Variants in RERE observed in about 807,000 individuals in gnomAD.
The protein encoded by RERE is arginine-glutamic acid dipeptide repeats.
Under a neutral mutation model 146.1 loss-of-function variants are expected in RERE, and 40 were observed. The observed-to-expected ratio is 0.27, with a 90% CI of 0.21 to 0.36. The LOEUF (loss-of-function observed/expected upper bound fraction) is 0.36, where lower values mean the gene tolerates loss of function less well. RERE is among the 10% of genes least tolerant of loss of function. The probability of loss-of-function intolerance (pLI) is 1.00; values close to 1 mark genes in which losing one functional copy is unlikely to be tolerated. For synonymous variants in RERE, 1,003 were observed against 866.0 expected (o/e 1.16, Z -2.78); for missense variants, 1,933 against 2,138.7 (o/e 0.90, Z 1.90).
chr1:8,740,557 G>C (rs1228673586), intron 1 of RERE, among the ~76,000 whole-genome samples: 2 of 152,026 alleles, frequency 1.3e-5, no homozygotes, highest in Non-Finnish European at 2.9e-5. Context: ...AAAACTTTTT[G>C]ACTCTTAACA....
At chr1:8,746,078 A>AT (rs1382790652) in intron 1 of RERE, among the ~76,000 whole-genome samples, 6 of 152,172 alleles carry the variant, frequency 3.9e-5, no homozygotes, top group Non-Finnish European at 2.9e-5. Flanking sequence ...ACAAAACCAA[A>AT]TAAAATTCCT....
intron 1 of RERE, among the ~76,000 whole-genome samples, chr1:8,666,924 T>A (rs57275937): frequency 0.018 from 2,748 of 152,296 alleles, 101 homozygotes; most frequent in African/African-American, 0.064. Context: ...TGCTAAGAGT[T>A]TATATACTCA....
chr1:8,548,523 C>A (rs944975825), intron 6 of RERE, among the ~76,000 whole-genome samples: 1 of 152,016 alleles, frequency 6.6e-6, no homozygotes, highest in Admixed American at 6.5e-5. Flanking sequence ...AGACCGAAAA[C>A]AAAAAGAGTC....
intron 1 of RERE, among the ~76,000 whole-genome samples, chr1:8,809,803 A>G (rs1641758452): frequency 6.6e-6 from 1 of 152,366 alleles, no homozygotes; most frequent in Admixed American, 6.5e-5. Flanking sequence ...ATAATCTAAT[A>G]AAGAGAACAT....
chr1:8,641,450 A>T (rs1647175583), intron 2 of RERE, among the ~76,000 whole-genome samples: 1 of 152,224 alleles, frequency 6.6e-6, no homozygotes, highest in Non-Finnish European at 1.5e-5. Flanking sequence ...CTAAGAAAAA[A>T]GGACAGAGGA....
chr1:8,599,504 A>G (rs1646596228), intron 4 of RERE, among the ~76,000 whole-genome samples: 2 of 152,238 alleles, frequency 1.3e-5, no homozygotes. Flanking sequence ...CCCTCTTTTA[A>G]TAATTCCAAA....
chr1:8,378,335 C>T (rs778672946), intron 12 of RERE, among the ~76,000 whole-genome samples: 1 of 152,208 alleles, frequency 6.6e-6, no homozygotes, highest in African/African-American at 2.4e-5. Context: ...AACCAGAGCC[C>T]TCTAGCAAAG....
chr1:8,564,824 A>ATGTGTG lies in RERE; in HGVS notation c.523-7302_523-7301insCACACA, dbSNP rs1182779393. Among the ~76,000 whole-genome samples the ATGTGTG allele has an allele frequency of 6.9e-3, 334 of 48,758 alleles. 1 individual carries two copies. Among genetic ancestry groups the ATGTGTG allele is most frequent in the Non-Finnish European group, 9.5e-3 (234 of 24,614 alleles). 32.0% of individuals were successfully genotyped at this position (48,758 alleles called of 152,430 possible). The stretch of plus-strand genomic sequence containing the variant: ...GGTGTGTGTGTATGTATGTGTGTGT[A>ATGTGTG]TATGTGTATGTGTGTGTGTGTGTGT... On this transcript the variant is annotated intron_variant, in intron 4 of 22. Transcript: ENST00000400908.
At position 8,545,982 on chromosome 1, in the gene RERE, CTTTTTTTTTTT is replaced by C. The variant is rs3050828; in HGVS notation, c.726-4675_726-4665del. 8.6e-5 allele frequency among the ~76,000 whole-genome samples: 6 copies of C among 69,480 alleles called. 1 individual carries two copies. Among genetic ancestry groups the C allele is most frequent in the African/African-American group, 3.6e-4 (6 of 16,700 alleles). 45.6% of individuals were successfully genotyped at this position (69,480 alleles called of 152,430 possible). On this transcript the variant is annotated intron_variant, in intron 6 of 22. Transcript: ENST00000400908. ...ACAGGTGCAAGCTACCATACCCAGT[CTTTTTTTTTTT>C]TTTTTTTTTTTTTTGAGATAGGGTC...
rs141800242 is a variant in RERE, at chr1:8,372,801, G to A, written c.1285-6827C>T. On this transcript the variant is annotated intron_variant, in intron 12 of 22. Transcript: ENST00000400908. The stretch of plus-strand genomic sequence containing the variant: ...GGCATCTAAACCAGATCCCTGCAAC[G>A]TCACATATGCCCAGGCTCTGGCCTT... 7.1e-3 allele frequency among the ~76,000 whole-genome samples: 1,078 copies of A among 152,310 alleles called. 8 individuals carry two copies. The highest frequency in any genetic ancestry group is 0.011 in the Non-Finnish European group (755 of 68,022).
intron 4 of RERE, among the ~76,000 whole-genome samples, chr1:8,577,816 C>A (rs755894952): frequency 6.6e-6 from 1 of 152,054 alleles, no homozygotes; most frequent in Admixed American, 6.6e-5. Context: ...AAAGAGGAGC[C>A]GGGTGCAGTG....
rs1647025954 is a variant in RERE, at chr1:8,630,764, G to A, written c.326-6384C>T. 2.6e-5 allele frequency among the ~76,000 whole-genome samples: 4 copies of A among 152,084 alleles called. No homozygotes were observed. In the South Asian group the frequency reaches 8.3e-4, roughly 32 times the overall value. ...TACATATATACACACATACATACATGGAAAAGGAAACAAAAATTGGGAAAA... is the reference window on the plus strand; with the variant it reads ...TACATATATACACACATACATACATAGAAAAGGAAACAAAAATTGGGAAAA... On this transcript the variant is annotated intron_variant, in intron 2 of 22. Transcript: ENST00000400908.
chr1:8,485,162 G>A (rs1644882198), intron 10 of RERE, among the ~76,000 whole-genome samples: 1 of 152,094 alleles, frequency 6.6e-6, no homozygotes, highest in Non-Finnish European at 1.5e-5. Context: ...GGGAGTTCAA[G>A]ACCAGCCTGA....
chr1:8,782,092 C>G (rs765239040), intron 1 of RERE, among the ~76,000 whole-genome samples: 3 of 152,132 alleles, frequency 2.0e-5, no homozygotes, highest in Admixed American at 6.6e-5. Context: ...CTCTCAAATT[C>G]TCCTTTCATT....
chr1:8,551,938 A>G (rs922663648), intron 6 of RERE, among the ~76,000 whole-genome samples: 9 of 152,254 alleles, frequency 5.9e-5, no homozygotes, highest in Non-Finnish European at 1.0e-4. Flanking sequence ...AAATATTCAA[A>G]ATGCTAACTT....
chr1:8,420,063 C>A (rs189424732), intron 12 of RERE, among the ~76,000 whole-genome samples: 1 of 152,340 alleles, frequency 6.6e-6, no homozygotes, highest in East Asian at 1.9e-4. Context: ...GGTCTGCTGA[C>A]CCTTGCACCA....
At chr1:8,531,197 A>G (rs1645648436) in intron 7 of RERE, among the ~76,000 whole-genome samples, 4 of 152,266 alleles carry the variant, frequency 2.6e-5, no homozygotes, top group East Asian at 1.9e-4. Context: ...GCTCACAAAT[A>G]TAATGAGAGG....
chr1:8,761,580 G>A (rs1262709226), intron 1 of RERE, among the ~76,000 whole-genome samples: 6 of 151,946 alleles, frequency 3.9e-5, no homozygotes, highest in African/African-American at 9.7e-5. Flanking sequence ...CCTCTACAAC[G>A]TCTCCCATCT....
At chr1:8,502,304 T>G (rs1645179415) in intron 8 of RERE, among the ~76,000 whole-genome samples, 1 of 111,504 alleles carries the variant, frequency 9.0e-6, no homozygotes, top group African/African-American at 3.7e-5. Flanking sequence ...GGAGCCCCTC[T>G]GCCTGGCGAG....
Sources: gnomAD v4.1 joint callset for allele counts (sites outside exome capture counted in the v4.1 genomes callset) on GRCh38, gnomAD v4.1.1 for gene constraint, MANE v1.5 for transcripts, NCBI Gene and HGNC (gene_info 2026-07-23, HGNC 2026-07-21) for gene names.